Variants in NELL2 observed in about 807,000 individuals in gnomAD.
NELL2 encodes the protein neural EGFL like 2, also known as protein kinase C-binding protein NELL2.
A neutral mutation model predicts 109.6 loss-of-function variants in NELL2; 41 were observed. That is an observed-to-expected ratio of 0.37 (90% CI 0.29 to 0.49). The LOEUF (loss-of-function observed/expected upper bound fraction) is 0.49, where lower values mean the gene tolerates loss of function less well. Among genes scored for constraint, NELL2 ranks in the 20% least tolerant of loss-of-function variants. The pLI, the probability that NELL2 is intolerant of heterozygous loss-of-function variation, is 0.98. For synonymous variants in NELL2, 355 were observed against 344.7 expected, an observed-to-expected ratio of 1.03 and a Z score of -0.33; for missense variants, 900 against 1,008.3, an observed-to-expected ratio of 0.89 and a Z score of 1.45.
chr12:44,651,715 C>A (rs1947304955), intron 13 of NELL2, among the ~76,000 whole-genome samples: 1 of 152,070 alleles, frequency 6.6e-6, no homozygotes, highest in Non-Finnish European at 1.5e-5. Flanking sequence ...TATTTATGAT[C>A]ACTTGAACAC....
intron 19 of NELL2, among the ~76,000 whole-genome samples, chr12:44,511,546 A>G (rs1311767954): frequency 6.6e-6 from 1 of 152,222 alleles, no homozygotes; most frequent in East Asian, 1.9e-4. Flanking sequence ...GGGAGTTGTC[A>G]GAGTGGCTGG....
chr12:44,912,237 C>T lies in NELL2; in HGVS notation c.38+1562G>A, dbSNP rs73283037. On this transcript the variant is annotated intron_variant, in intron 1 of 20. Coordinates refer to the NELL2 transcript ENST00000333837. Reference sequence around the variant, plus strand: ...ATTTGTAAATGAAATTGGAAAAGCACCCTTGTAAATAATTTATTTTTAAGG... The same window carrying T: ...ATTTGTAAATGAAATTGGAAAAGCATCCTTGTAAATAATTTATTTTTAAGG... 4.4e-3 allele frequency among the ~76,000 whole-genome samples: 676 copies of T among 152,012 alleles called. 4 individuals carry two copies. Among genetic ancestry groups the T allele is most frequent in the African/African-American group, 0.015 (621 of 41,500 alleles).
At chr12:44,708,551 T>C (rs1191527082) in intron 11 of NELL2, among the ~76,000 whole-genome samples, 1 of 152,192 alleles carries the variant, frequency 6.6e-6, no homozygotes, top group African/African-American at 2.4e-5. Flanking sequence ...TCTTTAGGAG[T>C]TGACTAAAAA....
chr12:44,803,919 A>G (rs904425569), intron 3 of NELL2, among the ~76,000 whole-genome samples: 2 of 152,020 alleles, frequency 1.3e-5, no homozygotes, highest in Non-Finnish European at 2.9e-5. Context: ...ATAATGCTCA[A>G]TTCTTGAAAA....
intron 3 of NELL2, among the ~76,000 whole-genome samples, chr12:44,800,096 T>C (rs114224785): frequency 0.014 from 2,194 of 152,278 alleles, 50 homozygotes; most frequent in African/African-American, 0.05. Context: ...ATAACACGCT[T>C]ATTGAGGAAT....
At chr12:44,515,834 C>T (rs1263636967) in intron 19 of NELL2, among the ~76,000 whole-genome samples, 1 of 151,888 alleles carries the variant, frequency 6.6e-6, no homozygotes, top group Non-Finnish European at 1.5e-5. Context: ...CTTTGAAAAT[C>T]AAGATTAGAA....
intron 12 of NELL2, among the ~76,000 whole-genome samples, chr12:44,697,782 G>C (rs1376439512): frequency 6.6e-6 from 1 of 152,190 alleles, no homozygotes; most frequent in East Asian, 1.9e-4. Context: ...CTAAAGGCAT[G>C]TCTGCCAGAT....
intron 12 of NELL2, among the ~76,000 whole-genome samples, chr12:44,684,513 G>A (rs1213196919): frequency 6.6e-6 from 1 of 152,050 alleles, no homozygotes; most frequent in African/African-American, 2.4e-5. Context: ...TGATGTTAGG[G>A]TGCCAATTTT....
intron 13 of NELL2, among the ~76,000 whole-genome samples, chr12:44,644,322 T>C (rs772492837): frequency 9.2e-5 from 14 of 152,008 alleles, no homozygotes; most frequent in Non-Finnish European, 1.8e-4. Context: ...TTGAATTTTG[T>C]ATAATAAATC....
intron 15 of NELL2, among the ~76,000 whole-genome samples, chr12:44,541,036 G>A (rs1233486026): frequency 6.6e-6 from 1 of 151,488 alleles, no homozygotes; most frequent in Non-Finnish European, 1.5e-5. Flanking sequence ...ACGAGGTCAG[G>A]AGATCGAGAC....
chr12:44,816,127 C>T lies in NELL2; in HGVS notation c.194G>A (p.Arg65Lys). Residue 65 changes from arginine to lysine, a missense_variant, in exon 3 of 20, where the codon AGA (arginine) becomes AAA (lysine). By Grantham distance (26) the Arg-to-Lys change is conservative (BLOSUM62 2). Coordinates refer to ENST00000429094, the MANE Select transcript of NELL2 (RefSeq NM_001145108.2). ...TKAFLFQDTP[R>K]SIKASTATAE... ...TGTAGCAGTGGATGCTTTTATGCTT[C>T]TGGGAGTATCTAAAAAAGAAACAAA... 6.3e-7 allele frequency: 1 copy of T among 1,590,612 alleles called. No homozygotes were observed. The highest frequency in any genetic ancestry group is 8.5e-7 in the Non-Finnish European group (1 of 1,172,432).
chr12:44,803,070 G>C (rs1263216384), intron 3 of NELL2, among the ~76,000 whole-genome samples: 1 of 151,872 alleles, frequency 6.6e-6, no homozygotes, highest in African/African-American at 2.4e-5. Flanking sequence ...CTCCAGATGT[G>C]GTATACTAAG....
chr12:44,592,297 C>T (rs1207608337), intron 15 of NELL2, among the ~76,000 whole-genome samples: 2 of 152,074 alleles, frequency 1.3e-5, no homozygotes, highest in Non-Finnish European at 2.9e-5. Flanking sequence ...CAGTAATGAC[C>T]AGCTGATATC....
chr12:44,598,881 A>ACT (rs1410240351), intron 15 of NELL2, among the ~76,000 whole-genome samples: 10 of 148,416 alleles, frequency 6.7e-5, no homozygotes, highest in Non-Finnish European at 4.5e-5. Flanking sequence ...ACACACACAC[A>ACT]CACTCTCTCT....
At chr12:44,893,097 A>G (rs1160412960) in intron 1 of NELL2, among the ~76,000 whole-genome samples, 1 of 152,140 alleles carries the variant, frequency 6.6e-6, no homozygotes, top group African/African-American at 2.4e-5. Context: ...TTATCTTACA[A>G]TTCTGGAGGT....
chr12:44,729,762 T>G (rs1285041417), intron 9 of NELL2, among the ~76,000 whole-genome samples: 1 of 151,696 alleles, frequency 6.6e-6, no homozygotes, highest in African/African-American at 2.4e-5. Context: ...ATTACAGGCG[T>G]GAACCACCAC....
intron 9 of NELL2, among the ~76,000 whole-genome samples, chr12:44,763,129 G>C (rs1941193644): frequency 6.6e-6 from 1 of 152,150 alleles, no homozygotes; most frequent in Non-Finnish European, 1.5e-5. Context: ...GTGGTCTGAA[G>C]AGACATTAAT....
chr12:44,903,443 G>A (rs1444855407), intron 1 of NELL2, among the ~76,000 whole-genome samples: 1 of 152,108 alleles, frequency 6.6e-6, no homozygotes, highest in Non-Finnish European at 1.5e-5. Flanking sequence ...GTTGGTGGGA[G>A]TGTAAATTAG....
At chr12:44,705,228 G>A (rs1433609650) in intron 11 of NELL2, among the ~76,000 whole-genome samples, 1 of 151,954 alleles carries the variant, frequency 6.6e-6, no homozygotes, top group Non-Finnish European at 1.5e-5. Flanking sequence ...ATGATGTATA[G>A]TAAAATATTA....
Sources: allele counts gnomAD v4.1 joint callset (sites outside exome capture counted in the v4.1 genomes callset), GRCh38; gene constraint gnomAD v4.1.1; transcripts MANE v1.5; gene names NCBI Gene and HGNC (gene_info 2026-07-23, HGNC 2026-07-21).